Variants in GRIK2 observed in about 807,000 individuals in gnomAD.
GRIK2 encodes the protein glutamate receptor ionotropic, kainate 2.
GRIK2 carries 32 observed loss-of-function variants against 100.3 expected under a neutral mutation model. That is an observed-to-expected ratio of 0.32 (90% CI 0.24 to 0.43). The LOEUF is 0.43. GRIK2 is among the 20% of genes least tolerant of loss of function. GRIK2 has a pLI of 1.00. For synonymous variants in GRIK2, 417 were observed against 389.4 expected, an observed-to-expected ratio of 1.07 and a Z score of -0.83; for missense variants, 843 against 1,114.9, an observed-to-expected ratio of 0.76 and a Z score of 3.47.
intron 14 of GRIK2, among the ~76,000 whole-genome samples, chr6:102,019,313 T>G (rs909363405): frequency 6.6e-6 from 1 of 152,048 alleles, no homozygotes; most frequent in Non-Finnish European, 1.5e-5. Flanking sequence ...CTGCAGCCTT[T>G]TTAGAATCAA....
intron 14 of GRIK2, among the ~76,000 whole-genome samples, chr6:101,955,712 T>C (rs1322488119): frequency 6.6e-6 from 1 of 152,036 alleles, no homozygotes; most frequent in Non-Finnish European, 1.5e-5. Flanking sequence ...CACACAGCTA[T>C]ACATATTATT....
intron 4 of GRIK2, among the ~76,000 whole-genome samples, chr6:101,630,329 C>A (rs554700814): frequency 6.6e-6 from 1 of 152,216 alleles, no homozygotes; most frequent in East Asian, 1.9e-4. Context: ...ACATTCCCAC[C>A]AAACTGTACA....
intron 7 of GRIK2, among the ~76,000 whole-genome samples, chr6:101,716,766 A>G (rs1169228802): frequency 6.6e-6 from 1 of 151,836 alleles, no homozygotes; most frequent in African/African-American, 2.4e-5. Context: ...ACAAAGCAAA[A>G]CAAAACAAAT....
chr6:101,795,378 T>C (rs1780224529), intron 7 of GRIK2, among the ~76,000 whole-genome samples: 1 of 152,120 alleles, frequency 6.6e-6, no homozygotes, highest in Non-Finnish European at 1.5e-5. Context: ...TTTTACTGGG[T>C]GTAGGAGTGC....
intron 15 of GRIK2, among the ~76,000 whole-genome samples, chr6:102,045,391 C>A (rs1401867461): frequency 6.6e-6 from 1 of 152,082 alleles, no homozygotes; most frequent in African/African-American, 2.4e-5. Flanking sequence ...CTCTTTCCAT[C>A]TACATTCCAG....
chr6:101,512,720 G>T (rs1011939729), intron 2 of GRIK2, among the ~76,000 whole-genome samples: 1 of 151,414 alleles, frequency 6.6e-6, no homozygotes, highest in Non-Finnish European at 1.5e-5. Context: ...AAAATAATCA[G>T]CAAAGCTCTG....
intron 14 of GRIK2, among the ~76,000 whole-genome samples, chr6:101,970,751 G>C (rs1428073511): frequency 6.9e-6 from 1 of 144,494 alleles, no homozygotes; most frequent in Non-Finnish European, 1.5e-5. Context: ...ATTGTATTTA[G>C]TTGGTCCTCA....
intron 14 of GRIK2, among the ~76,000 whole-genome samples, chr6:101,999,432 A>G (rs563157165): frequency 1.3e-5 from 2 of 152,206 alleles, no homozygotes; most frequent in South Asian, 2.1e-4. Context: ...TTCAGTTTCC[A>G]GATCTTACAC....
chr6:101,734,850 T>A (rs574517598), intron 7 of GRIK2, among the ~76,000 whole-genome samples: 3 of 152,206 alleles, frequency 2.0e-5, no homozygotes, highest in South Asian at 2.1e-4. Flanking sequence ...GAGAGAAAGG[T>A]GGTACTGTAG....
chr6:101,518,918 T>A (rs2399708), intron 2 of GRIK2, among the ~76,000 whole-genome samples: 15,636 of 152,148 alleles, frequency 0.1, 969 homozygotes, highest in Middle Eastern at 0.14. Flanking sequence ...ATGCTGATTT[T>A]TAAACAAGTG....
At chr6:101,611,217 A>G (rs1248810874) in intron 2 of GRIK2, among the ~76,000 whole-genome samples, 1 of 151,850 alleles carries the variant, frequency 6.6e-6, no homozygotes, top group Non-Finnish European at 1.5e-5. Flanking sequence ...CATGCCAGAA[A>G]ACAACCAATC....
chr6:101,991,398 T>TC (rs1186972386), intron 14 of GRIK2, among the ~76,000 whole-genome samples: 1 of 150,854 alleles, frequency 6.6e-6, no homozygotes, highest in African/African-American at 2.4e-5. Context: ...TATGTTTTTT[T>TC]TTTTACAATT....
intron 13 of GRIK2, 71 bp from the exon 14 acceptor site, chr6:101,928,344 T>C: frequency 1.2e-6 from 1 of 819,850 alleles, no homozygotes; most frequent in South Asian, 1.4e-5. Context: ...ATTCTGCCAC[T>C]GTGACAAAAA....
chr6:101,841,345 G>A (rs180684529), intron 10 of GRIK2, among the ~76,000 whole-genome samples: 7 of 151,614 alleles, frequency 4.6e-5, no homozygotes, highest in East Asian at 2.0e-4. Flanking sequence ...ACAAATTCAC[G>A]TGCATTGTGA....
chr6:101,671,515 A>G (rs934825385), intron 4 of GRIK2, among the ~76,000 whole-genome samples: 3 of 152,154 alleles, frequency 2.0e-5, no homozygotes, highest in African/African-American at 7.2e-5. Context: ...GTAACATCAC[A>G]TGTCCTGTAA....
At chr6:101,712,512 A>G (rs1773788543) in intron 7 of GRIK2, among the ~76,000 whole-genome samples, 1 of 151,870 alleles carries the variant, frequency 6.6e-6, no homozygotes, top group South Asian at 2.1e-4. Context: ...TAGTGTATTT[A>G]TACATGTATG....
chr6:101,956,769 T>A (rs1253615176), intron 14 of GRIK2, among the ~76,000 whole-genome samples: 3 of 139,686 alleles, frequency 2.1e-5, no homozygotes, highest in Admixed American at 7.4e-5. Context: ...TGTATATATG[T>A]GTGTATATAT....
intron 3 of GRIK2, among the ~76,000 whole-genome samples, chr6:101,625,796 T>C (rs1780404568): frequency 6.6e-6 from 1 of 152,208 alleles, no homozygotes; most frequent in Non-Finnish European, 1.5e-5. Flanking sequence ...ACTGAGTACT[T>C]GTCTAATGAC....
chr6:101,671,214 T>A (rs1478320065), intron 4 of GRIK2, among the ~76,000 whole-genome samples: 2 of 152,174 alleles, frequency 1.3e-5, no homozygotes, highest in Non-Finnish European at 2.9e-5. Context: ...CCACTTTACA[T>A]CCTTAATAAT....
Sources: gnomAD v4.1 joint callset for allele counts (sites outside exome capture counted in the v4.1 genomes callset) on GRCh38, gnomAD v4.1.1 for gene constraint, MANE v1.5 for transcripts, NCBI Gene and HGNC (gene_info 2026-07-23, HGNC 2026-07-21) for gene names.